The following ADCY2 variants were observed in gnomAD, a reference collection of about 807,000 sequenced individuals.
ADCY2 encodes the protein adenylate cyclase 2.
ADCY2 carries 31 observed loss-of-function variants against 125.2 expected under a neutral mutation model. The observed-to-expected ratio is 0.25, with a 90% CI of 0.19 to 0.33. ADCY2 has a LOEUF of 0.33. ADCY2 is among the 10% of genes least tolerant of loss of function. The probability of loss-of-function intolerance (pLI) is 1.00; values close to 1 mark genes in which losing one functional copy is unlikely to be tolerated. For missense variants in ADCY2, 904 were observed against 1,418.2 expected (o/e 0.64, Z 5.82); for synonymous variants, 512 against 548.4 (o/e 0.93, Z 0.93).
chr5:7,655,825 C>T (rs956889213), intron 4 of ADCY2, among the ~76,000 whole-genome samples: 4 of 152,124 alleles, frequency 2.6e-5, no homozygotes, highest in African/African-American at 9.7e-5. Context: ...TGTGGGGAAG[C>T]AAAACAAAGC....
intron 17 of ADCY2, 25 bp from the exon 18 acceptor site, chr5:7,772,907 T>G: frequency 6.2e-7 from 1 of 1,609,386 alleles, no homozygotes; most frequent in Non-Finnish European, 8.5e-7. Flanking sequence ...CCTAAGTATC[T>G]GTCTGGTGTC....
At chr5:7,788,989 A>G (rs1335578190) in intron 19 of ADCY2, among the ~76,000 whole-genome samples, 1 of 152,220 alleles carries the variant, frequency 6.6e-6, no homozygotes, top group Non-Finnish European at 1.5e-5. Flanking sequence ...AATGTTAGTA[A>G]TAACTACTTT....
chr5:7,665,908 G>A (rs572185915), intron 4 of ADCY2, among the ~76,000 whole-genome samples: 4 of 124,644 alleles, frequency 3.2e-5, no homozygotes, highest in Non-Finnish European at 6.2e-5. Flanking sequence ...GTGCCATCTC[G>A]GCTCACTGCA....
At chr5:7,576,872 G>C (rs1378258519) in intron 3 of ADCY2, among the ~76,000 whole-genome samples, 1 of 152,148 alleles carries the variant, frequency 6.6e-6, no homozygotes, top group Non-Finnish European at 1.5e-5. Context: ...AGTAGAGCTA[G>C]CAACCTATTT....
intron 4 of ADCY2, among the ~76,000 whole-genome samples, chr5:7,684,919 G>A (rs1740464963): frequency 6.6e-6 from 1 of 152,174 alleles, no homozygotes; most frequent in South Asian, 2.1e-4. Flanking sequence ...GAAGTGCCTA[G>A]TGACTTTAAT....
At chr5:7,484,400 A>T (rs543097537) in intron 2 of ADCY2, among the ~76,000 whole-genome samples, 1 of 152,148 alleles carries the variant, frequency 6.6e-6, no homozygotes. Flanking sequence ...GAAAATAATG[A>T]AATTGTGTGA....
rs554043661 is a variant in ADCY2 at position 7,508,928 on chromosome 5, C to A, written c.409-11810C>A. On this transcript the variant is annotated intron_variant, in intron 2 of 24. Transcript: ENST00000338316. ...GCACTATGATTCCAGGCCCAAGGAA[C>A]AGAGTTTGCTTTAACTACGAAGATG... 2.0e-5 allele frequency among the ~76,000 whole-genome samples: 3 copies of A among 152,210 alleles called. No individual in the cohort carries two copies. The South Asian group carries it at 6.2e-4, about 31-fold the overall frequency.
At chr5:7,619,396 A>G (rs1485430210) in intron 3 of ADCY2, among the ~76,000 whole-genome samples, 1 of 152,174 alleles carries the variant, frequency 6.6e-6, no homozygotes, top group Non-Finnish European at 1.5e-5. Context: ...CAAGGATGAA[A>G]AGGAAACATC....
At chr5:7,723,920 C>CAAAAAAAAAAAAAAAAAAAAAAAAAAA (rs70940756) in intron 12 of ADCY2, among the ~76,000 whole-genome samples, 1 of 53,724 alleles carries the variant, frequency 1.9e-5, no homozygotes, top group African/African-American at 1.0e-4. Flanking sequence ...GACTCAGTCT[C>CAAAAAAAAAAAAAAAAAAAAAAAAAAA]AAAAAAAAAA....
chr5:7,656,040 G>GT (rs1239643380), intron 4 of ADCY2, among the ~76,000 whole-genome samples: 2 of 148,898 alleles, frequency 1.3e-5, no homozygotes, highest in Non-Finnish European at 3.0e-5. Flanking sequence ...GAGCTGTTAG[G>GT]TTTTTTTCAT....
At chr5:7,735,237 A>G (rs1396711060) in intron 14 of ADCY2, among the ~76,000 whole-genome samples, 1 of 152,200 alleles carries the variant, frequency 6.6e-6, no homozygotes, top group Non-Finnish European at 1.5e-5. Context: ...TCAGGTTGTC[A>G]CATACTTTTC....
chr5:7,504,596 C>G (rs1038024984), intron 2 of ADCY2, among the ~76,000 whole-genome samples: 1 of 151,224 alleles, frequency 6.6e-6, no homozygotes, highest in Non-Finnish European at 1.5e-5. Context: ...CTTTCTTTCT[C>G]TCTCTCTTTC....
At chr5:7,718,145 ATTTT>A (rs59353850) in intron 12 of ADCY2, among the ~76,000 whole-genome samples, 1 of 115,412 alleles carries the variant, frequency 8.7e-6, no homozygotes. Flanking sequence ...CCTGTTTTAG[ATTTT>A]TTTTTTTTTT....
intron 3 of ADCY2, among the ~76,000 whole-genome samples, chr5:7,600,962 A>G (rs1737181222): frequency 6.6e-6 from 1 of 152,234 alleles, no homozygotes; most frequent in South Asian, 2.1e-4. Flanking sequence ...GGCAATTGGG[A>G]TGAAGGTCAC....
chr5:7,715,485 G>A (rs1386078013), intron 11 of ADCY2, among the ~76,000 whole-genome samples: 1 of 151,550 alleles, frequency 6.6e-6, no homozygotes, highest in African/African-American at 2.4e-5. Flanking sequence ...AAGGGTCTAA[G>A]GTCCTACAGG....
At chr5:7,657,651 T>C (rs1259890527) in intron 4 of ADCY2, among the ~76,000 whole-genome samples, 1 of 152,214 alleles carries the variant, frequency 6.6e-6, no homozygotes, top group Non-Finnish European at 1.5e-5. Flanking sequence ...TGCTCTTTCA[T>C]TCTTTCCTGC....
rs193067094 is a variant in ADCY2 at position 7,634,652 on chromosome 5, G to A, written c.720+8336G>A. On this transcript the variant is annotated intron_variant, in intron 4 of 24. Coordinates refer to ENST00000338316, the MANE Select transcript of ADCY2 (RefSeq NM_020546.3). ...ACATATATTCTTCTGTTAAATACAG[G>A]ATTATACAAGATGCAGAAAAGCCCT... Among the ~76,000 whole-genome samples, 21 of 151,294 alleles carry A rather than the reference G, an allele frequency of 1.4e-4. No individual in the cohort carries two copies. The East Asian group carries it at 3.3e-3, about 24-fold the overall frequency.
chr5:7,407,951 C>T (rs558314622), intron 1 of ADCY2, among the ~76,000 whole-genome samples: 1 of 151,458 alleles, frequency 6.6e-6, no homozygotes, highest in South Asian at 2.1e-4. Context: ...TCACTGAAAC[C>T]TCCGCCTCCT....
intron 14 of ADCY2, among the ~76,000 whole-genome samples, 187 bp from the exon 15 acceptor site, chr5:7,743,481 G>A (rs1217788585): frequency 1.3e-5 from 2 of 152,174 alleles, no homozygotes; most frequent in Non-Finnish European, 2.9e-5. Flanking sequence ...ATTGGCCATC[G>A]CTGTGTGGAC....
Sources: allele counts gnomAD v4.1 joint callset (sites outside exome capture counted in the v4.1 genomes callset), GRCh38; gene constraint gnomAD v4.1.1; transcripts MANE v1.5; gene names NCBI Gene and HGNC (gene_info 2026-07-23, HGNC 2026-07-21).